POF1B: variants seen among roughly 807,000 people sequenced by gnomAD.
POF1B encodes the protein POF1B actin binding protein, also known as protein POF1B.
Under a neutral mutation model 55.3 loss-of-function variants are expected in POF1B, and 53 were observed. The observed-to-expected ratio is 0.96, with a 90% confidence interval of 0.77 to 1.20. The LOEUF is 1.20. POF1B is among the 50% of genes most tolerant of loss of function. The pLI, the probability that POF1B is intolerant of heterozygous loss-of-function variation, is 0.00. For synonymous variants in POF1B, 188 were observed against 148.3 expected, an observed-to-expected ratio of 1.27 and a Z score of -1.95; for missense variants, 478 against 420.5, an observed-to-expected ratio of 1.14 and a Z score of -1.20.
At chrX:85,300,675 A>T (rs772265033) in intron 15 of POF1B, among the ~76,000 whole-genome samples, 7 of 111,913 alleles carry the variant, frequency 6.3e-5, no homozygotes, top group Non-Finnish European at 9.4e-5. Context: ...ACAAGAAAAT[A>T]TTGCCTATCA....
At position 85,341,780 on chromosome X, in the gene POF1B, T is replaced by G. The variant is rs113575807; in HGVS notation, c.723+4080A>C. Among the ~76,000 whole-genome samples, 913 of 111,023 alleles carry G rather than the reference T, an allele frequency of 8.2e-3. 6 individuals carry two copies. The highest frequency in any genetic ancestry group is 0.028 in the African/African-American group (867 of 30,642). On this transcript the variant is annotated intron_variant, in intron 6 of 16. Transcript: ENST00000262753. Reference sequence around the variant, plus strand: ...ATGACATGTTAAATAAACATTATAGTGAGCTTCACAGAGACCTGCCAGAAA... The same window carrying G: ...ATGACATGTTAAATAAACATTATAGGGAGCTTCACAGAGACCTGCCAGAAA...
At chrX:85,365,994 G>A (rs1603079421) in intron 3 of POF1B, among the ~76,000 whole-genome samples, 2 of 111,124 alleles carry the variant, frequency 1.8e-5, no homozygotes, top group Non-Finnish European at 3.8e-5. Flanking sequence ...CATATAAAGA[G>A]AGTTCTTATA....
At chrX:85,305,541 A>C (rs12011462) in intron 13 of POF1B, among the ~76,000 whole-genome samples, 3,079 of 111,517 alleles carry the variant, frequency 0.028, 110 homozygotes, top group African/African-American at 0.094. Context: ...AAATTAATAA[A>C]AACCAAAACC....
At chrX:85,296,877 T>A (rs1265926436) in intron 15 of POF1B, among the ~76,000 whole-genome samples, 1 of 112,071 alleles carries the variant, frequency 8.9e-6, no homozygotes, top group Admixed American at 9.5e-5. Context: ...TATCAATTAG[T>A]TTTAGGTTAG....
chrX:85,326,572 G>A (rs963775098), intron 7 of POF1B, among the ~76,000 whole-genome samples: 2 of 110,595 alleles, frequency 1.8e-5, no homozygotes, highest in Non-Finnish European at 3.8e-5. Flanking sequence ...ATTGGGGGGC[G>A]GGATGCACGG....
At chrX:85,360,527 G>GTGTATATATATATATATATATATATATA (rs1555988251) in intron 3 of POF1B, among the ~76,000 whole-genome samples, 1 of 58,535 alleles carries the variant, frequency 1.7e-5, no homozygotes, top group Admixed American at 1.9e-4. Flanking sequence ...TCCATGGTAT[G>GTGTATATATATATATATATATATATATA]TATATATATA....
At chrX:85,336,590 T>A (rs140788813) in intron 6 of POF1B, among the ~76,000 whole-genome samples, 38 of 111,586 alleles carry the variant, frequency 3.4e-4, no homozygotes, top group African/African-American at 1.1e-3. Context: ...ACCTCCCGTT[T>A]GCCATTTGTA....
At chrX:85,332,772 A>G (rs1933002038) in intron 6 of POF1B, among the ~76,000 whole-genome samples, 2 of 111,640 alleles carry the variant, frequency 1.8e-5, no homozygotes, top group African/African-American at 3.2e-5. Context: ...GTGTAGTATC[A>G]TCACATTTTT....
chrX:85,379,307 C>T lies in POF1B; in HGVS notation c.148G>A (p.Glu50Lys). 8.3e-7 allele frequency: 1 copy of T among 1,210,435 alleles called. No individual in the cohort carries two copies. Among genetic ancestry groups the T allele is most frequent in the Non-Finnish European group, 1.1e-6 (1 of 895,267 alleles). ...GGCCCACTGTAGGTCCTCACTCGCT[C>T]ATACACTACATTTTTTTCTGGAGGC... ...QQPPEKNVVYERVRTYSGPMN... is the reference protein window; with the variant it reads ...QQPPEKNVVYKRVRTYSGPMN... The change falls in exon 2 of 17, where the codon GAG becomes AAG. Residue 50 changes from glutamate to lysine, a missense_variant. Glu to Lys is a moderately conservative substitution (Grantham distance 56, BLOSUM62 1). Coordinates refer to ENST00000262753, the MANE Select transcript of POF1B (RefSeq NM_024921.4).
intron 2 of POF1B, among the ~76,000 whole-genome samples, chrX:85,370,929 A>G (rs184294258): frequency 1.7e-3 from 194 of 112,116 alleles, no homozygotes; most frequent in African/African-American, 6.0e-3. Flanking sequence ...TAAATCCTTC[A>G]TGTTGAAACT....
At chrX:85,313,956 C>T (rs1055463793) in intron 9 of POF1B, among the ~76,000 whole-genome samples, 41 of 110,812 alleles carry the variant, frequency 3.7e-4, no homozygotes, top group Non-Finnish European at 1.5e-4. Context: ...TTTTCCATTT[C>T]TTCTAGTTTT....
chrX:85,297,066 A>G (rs1002036631), intron 15 of POF1B, among the ~76,000 whole-genome samples: 3 of 111,944 alleles, frequency 2.7e-5, no homozygotes, highest in Non-Finnish European at 5.6e-5. Context: ...AATTTTTTCA[A>G]TTCCAGAAGT....
rs1245071788 is a variant in POF1B at position 85,277,863 on chromosome X, A to T, written c.*1558T>A. The T allele has an allele frequency of 1.8e-5, 2 of 111,155 alleles. No homozygotes were observed. Among genetic ancestry groups the T allele is most frequent in the African/African-American group, 6.5e-5 (2 of 30,687 alleles). The allele number at this position is 111,155 out of a possible 1,213,427, so 9.2% of individuals were successfully genotyped here. On this transcript the variant is annotated 3_prime_UTR_variant, in exon 17 of 17. Transcript: ENST00000262753. ...AGCTAATAAAACTTCCCCTTATATTATTTGTAATGTGTGCATAACATAGTA... is the reference window on the plus strand; with the variant it reads ...AGCTAATAAAACTTCCCCTTATATTTTTTGTAATGTGTGCATAACATAGTA...
At chrX:85,329,818 A>G (rs1344567557) in intron 7 of POF1B, among the ~76,000 whole-genome samples, 3 of 108,879 alleles carry the variant, frequency 2.8e-5, no homozygotes, top group Non-Finnish European at 5.7e-5. Context: ...AGATGGAGAA[A>G]AGACAAGATA....
chrX:85,369,808 A>G lies in POF1B; in HGVS notation c.283-2042T>C, dbSNP rs780034947. ...TATTCATTTGAACAGATACTGCCCA[A>G]CTAATTTCCCAAATTTGACTATGAT... On this transcript the variant is annotated intron_variant, in intron 2 of 16. Coordinates refer to ENST00000262753, the MANE Select transcript of POF1B (RefSeq NM_024921.4). 5.4e-5 allele frequency among the ~76,000 whole-genome samples: 6 copies of G among 111,996 alleles called. No homozygotes were observed. In the South Asian group the frequency reaches 1.8e-3, roughly 34 times the overall value.
At chrX:85,342,794 C>T (rs184846887) in intron 6 of POF1B, among the ~76,000 whole-genome samples, 62 of 111,482 alleles carry the variant, frequency 5.6e-4, no homozygotes, top group Middle Eastern at 9.2e-3. Context: ...TACTCTTCTA[C>T]CCACATATCA....
At position 85,282,215 on chromosome X, in the gene POF1B, G is replaced by GTCT. The variant is rs1206689908; in HGVS notation, c.1749_1751dup (p.Glu583dup). On this transcript the variant is annotated inframe_insertion, in exon 16 of 17. Transcript: ENST00000262753. Reference sequence around the variant, plus strand: ...CAAGTGAACTTACACAAGTGTATTTGTCTTCTGTTTTCTCAATCACAATAG... The same window carrying GTCT: ...CAAGTGAACTTACACAAGTGTATTTGTCTTCTTCTGTTTTCTCAATCACAATAG... 1 of 1,183,871 alleles carries GTCT rather than the reference G, an allele frequency of 8.4e-7. No homozygotes were observed. The highest frequency in any genetic ancestry group is 3.1e-5 in the East Asian group (1 of 32,530).
chrX:85,294,565 C>A (rs12015054), intron 15 of POF1B, among the ~76,000 whole-genome samples: 1 of 111,165 alleles, frequency 9.0e-6, no homozygotes, highest in African/African-American at 3.3e-5. Flanking sequence ...AGGAATGAAG[C>A]CTACTTGAAT....
chrX:85,371,474 A>G (rs1325497955), intron 2 of POF1B, among the ~76,000 whole-genome samples: 2 of 111,304 alleles, frequency 1.8e-5, no homozygotes, highest in Non-Finnish European at 3.8e-5. Flanking sequence ...AAACAAGTGA[A>G]GTTAGACAGA....
Sources: allele counts gnomAD v4.1 joint callset (sites outside exome capture counted in the v4.1 genomes callset), GRCh38; gene constraint gnomAD v4.1.1; transcripts MANE v1.5; gene names NCBI Gene and HGNC (gene_info 2026-07-23, HGNC 2026-07-21).